Variants in PRKN observed in about 807,000 individuals in gnomAD.
The protein encoded by PRKN is parkin RBR E3 ubiquitin protein ligase, also known as E3 ubiquitin-protein ligase parkin.
Under a neutral mutation model 59.5 loss-of-function variants are expected in PRKN, and 56 were observed. The observed-to-expected ratio is 0.94, with a 90% CI of 0.76 to 1.18. The LOEUF (loss-of-function observed/expected upper bound fraction) is 1.18, where lower values mean the gene tolerates loss of function less well. Ranked by LOEUF, PRKN falls within the 50% of genes most tolerant of loss-of-function variation. The probability of loss-of-function intolerance (pLI) is 0.00; values close to 1 mark genes in which losing one functional copy is unlikely to be tolerated. For synonymous variants in PRKN, 250 were observed against 222.1 expected (o/e 1.13, Z -1.12); for missense variants, 657 against 596.4 (o/e 1.10, Z -1.06).
chr6:162,250,207 G>A (rs1025007903), intron 3 of PRKN, among the ~76,000 whole-genome samples: 1 of 151,918 alleles, frequency 6.6e-6, no homozygotes, highest in Non-Finnish European at 1.5e-5. Context: ...AGGGAATGGA[G>A]TGTAAAAAAA....
rs1562407458 is a variant in PRKN at position 161,943,993 on chromosome 6, G to GCAGCCTGAGGAAGCAGCCTGAGGAAA, written c.734+29308_734+29309insTTTCCTCAGGCTGCTTCCTCAGGCTG. On this transcript the variant is annotated intron_variant, in intron 6 of 11. Coordinates refer to ENST00000366898, the MANE Select transcript of PRKN (RefSeq NM_004562.3). ...CAGCCTGAGGAAGCAGCCTGAGGAA[G>GCAGCCTGAGGAAGCAGCCTGAGGAAA]GAGCCTGAGGAAGCAGCCTGAGGGA... 1.7e-3 allele frequency among the ~76,000 whole-genome samples: 200 copies of GCAGCCTGAGGAAGCAGCCTGAGGAAA among 120,326 alleles called. 2 individuals are homozygous for GCAGCCTGAGGAAGCAGCCTGAGGAAA. Among genetic ancestry groups the GCAGCCTGAGGAAGCAGCCTGAGGAAA allele is most frequent in the African/African-American group, 6.2e-3 (189 of 30,316 alleles). The allele number at this position is 120,326 out of a possible 152,430, so 78.9% of individuals were successfully genotyped here. A position where few individuals can be genotyped will look rare whatever the true frequency, so the allele number is the denominator to read the frequency against.
At chr6:162,269,548 A>C (rs569194325) in intron 2 of PRKN, 1 of 152,330 alleles carries the variant, frequency 6.6e-6, no homozygotes, top group South Asian at 2.1e-4. Context: ...ATGTTGGCAG[A>C]AGTGCCCAGC....
chr6:162,259,885 A>G (rs1020252577), intron 3 of PRKN, among the ~76,000 whole-genome samples: 3 of 152,198 alleles, frequency 2.0e-5, no homozygotes, highest in Non-Finnish European at 4.4e-5. Flanking sequence ...GGAGTACAAA[A>G]TAGCAAGTAA....
At chr6:161,826,290 C>T (rs1792241760) in intron 6 of PRKN, among the ~76,000 whole-genome samples, 1 of 151,774 alleles carries the variant, frequency 6.6e-6, no homozygotes, top group African/African-American at 2.4e-5. Flanking sequence ...AATTTTAAAA[C>T]AAAAGAAAAT....
In PRKN at chr6:161,766,313, C is replaced by CTTTTTTTTTTTTTTTTTTTTT. The variant is rs1583130349; in HGVS notation, c.871+19458_871+19459insAAAAAAAAAAAAAAAAAAAAA. Among the ~76,000 whole-genome samples the CTTTTTTTTTTTTTTTTTTTTT allele has an allele frequency of 3.6e-5, 3 of 82,650 alleles. 1 individual carries two copies. Among genetic ancestry groups the CTTTTTTTTTTTTTTTTTTTTT allele is most frequent in the African/African-American group, 1.2e-4 (3 of 24,676 alleles). The allele number at this position is 82,650 out of a possible 152,430, so 54.2% of individuals were successfully genotyped here. On this transcript the variant is annotated intron_variant, in intron 7 of 11. Coordinates refer to ENST00000366898, the MANE Select transcript of PRKN (RefSeq NM_004562.3). ...AACTTATGCCTGCTGTCATTGACCA[C>CTTTTTTTTTTTTTTTTTTTTT]ATTTTTTTTTTTTTAGACAGAGTCT...
At chr6:162,363,238 A>G (rs1043493701) in intron 2 of PRKN, among the ~76,000 whole-genome samples, 1 of 151,564 alleles carries the variant, frequency 6.6e-6, no homozygotes, top group African/African-American at 2.4e-5. Flanking sequence ...ACGTGTCTGT[A>G]TTAGTGTTCT....
rs1784550366 is a variant in PRKN at position 162,349,786 on chromosome 6, AAC to A, written c.172-87023_172-87022del. ...TGAAGGCTTTCCCCTTAAAAGGAGG[AAC>A]ACAGTGAGGATGTCTGCTCTTATCA... On this transcript the variant is annotated intron_variant, in intron 2 of 11. Coordinates refer to ENST00000366898, the MANE Select transcript of PRKN (RefSeq NM_004562.3). Among the ~76,000 whole-genome samples, 6 of 152,304 alleles carry A rather than the reference AAC, an allele frequency of 3.9e-5. 1 individual carries two copies. In the South Asian group the frequency reaches 1.2e-3, roughly 32 times the overall value.
intron 6 of PRKN, among the ~76,000 whole-genome samples, chr6:161,802,050 C>T (rs1486899646): frequency 1.3e-5 from 2 of 152,014 alleles, no homozygotes; most frequent in Non-Finnish European, 2.9e-5. Flanking sequence ...GAAGTGTTAC[C>T]GAGAGTTGCA....
chr6:161,756,465 AAAAAAC>A, intron 7 of PRKN, among the ~76,000 whole-genome samples: 1 of 151,060 alleles, frequency 6.6e-6, no homozygotes, highest in South Asian at 2.1e-4. Flanking sequence ...AAAAAAAAAA[AAAAAAC>A]ACTTTCTCTC....
intron 6 of PRKN, among the ~76,000 whole-genome samples, chr6:161,934,767 T>G (rs1779292012): frequency 6.6e-6 from 1 of 152,180 alleles, no homozygotes; most frequent in African/African-American, 2.4e-5. Flanking sequence ...CGATCCTGTA[T>G]TAATCTAGTA....
intron 2 of PRKN, among the ~76,000 whole-genome samples, chr6:162,284,987 C>G (rs1332709027): frequency 6.6e-6 from 1 of 151,990 alleles, no homozygotes; most frequent in East Asian, 1.9e-4. Flanking sequence ...GAATGGAATC[C>G]TTTTAAGATG....
chr6:162,299,905 C>G (rs931552709), intron 2 of PRKN, among the ~76,000 whole-genome samples: 5 of 152,072 alleles, frequency 3.3e-5, no homozygotes, highest in African/African-American at 1.2e-4. Flanking sequence ...GCAGAAAATC[C>G]TAGCTTTCAC....
intron 9 of PRKN, among the ~76,000 whole-genome samples, chr6:161,420,138 T>C (rs946652161): frequency 7.3e-5 from 11 of 150,312 alleles, no homozygotes; most frequent in Non-Finnish European, 1.3e-4. Flanking sequence ...CTTGAGAGGC[T>C]GAGACAGGAG....
At chr6:162,329,061 G>C (rs1326447575) in intron 2 of PRKN, among the ~76,000 whole-genome samples, 1 of 152,116 alleles carries the variant, frequency 6.6e-6, no homozygotes, top group Admixed American at 6.5e-5. Flanking sequence ...GTATGTGTTC[G>C]GGTACTTCTA....
chr6:161,902,560 A>ATCTTTTTTTTTT (rs1554245457), intron 6 of PRKN, among the ~76,000 whole-genome samples: 1 of 125,328 alleles, frequency 8.0e-6, no homozygotes, highest in Non-Finnish European at 1.6e-5. Context: ...TTATTTATTT[A>ATCTTTTTTTTTT]TTTATTTTTT....
intron 7 of PRKN, among the ~76,000 whole-genome samples, chr6:161,587,777 G>T (rs1446973843): frequency 1.3e-5 from 2 of 152,062 alleles, no homozygotes; most frequent in Non-Finnish European, 2.9e-5. Flanking sequence ...CAATGTGTAG[G>T]CTTTTATTCC....
intron 2 of PRKN, among the ~76,000 whole-genome samples, chr6:162,352,911 T>C (rs1383474742): frequency 6.6e-6 from 1 of 152,192 alleles, no homozygotes; most frequent in Non-Finnish European, 1.5e-5. Context: ...ATAAGATGAA[T>C]AGATGGGGAC....
chr6:162,636,395 C>G (rs1030355679), intron 1 of PRKN, among the ~76,000 whole-genome samples: 1 of 152,134 alleles, frequency 6.6e-6, no homozygotes, highest in African/African-American at 2.4e-5. Flanking sequence ...GAGAAATAAA[C>G]CAACCAATAA....
intron 9 of PRKN, among the ~76,000 whole-genome samples, chr6:161,523,970 A>G (rs920718669): frequency 4.6e-5 from 7 of 152,232 alleles, no homozygotes; most frequent in Admixed American, 1.3e-4. Context: ...CTTGGGAAGT[A>G]AGAGGAAAAA....
Sources: allele counts gnomAD v4.1 joint callset (sites outside exome capture counted in the v4.1 genomes callset), GRCh38; gene constraint gnomAD v4.1.1; transcripts MANE v1.5; gene names NCBI Gene and HGNC (gene_info 2026-07-23, HGNC 2026-07-21).